MAU2: variants seen among roughly 807,000 people sequenced by gnomAD.
The protein encoded by MAU2 is MAU2 chromatid cohesion factor homolog.
MAU2 carries 9 observed loss-of-function variants against 89.1 expected under a neutral mutation model. The ratio of observed to expected loss-of-function variants is 0.10; its 90% CI spans 0.06 to 0.18. The LOEUF (loss-of-function observed/expected upper bound fraction) is 0.18, where lower values mean the gene tolerates loss of function less well. MAU2 is among the 10% of genes least tolerant of loss of function. The pLI is 1.00. For synonymous variants in MAU2, 357 were observed against 343.4 expected (o/e 1.04, Z -0.44); for missense variants, 425 against 803.5 (o/e 0.53, Z 5.69).
intron 10 of MAU2, chr19:19,344,383 A>G (rs1438139067): frequency 3.9e-5 from 9 of 227,992 alleles, no homozygotes; most frequent in South Asian, 1.3e-4. Context: ...CTGCACTCCA[A>G]CCTGGGCAAC....
At chr19:19,354,479 C>T (rs1568669552) in intron 17 of MAU2, 34 bp downstream of exon 17, 2 of 1,572,276 alleles carry the variant, frequency 1.3e-6, no homozygotes, top group Admixed American at 1.7e-5. Context: ...TCCCCAGCCC[C>T]AGCCTGGCCC....
intron 1 of MAU2, among the ~76,000 whole-genome samples, chr19:19,333,888 T>C (rs2061576127): frequency 2.0e-5 from 3 of 152,180 alleles, no homozygotes; most frequent in Non-Finnish European, 4.4e-5. Context: ...CAGTGCTGTC[T>C]ACCCTGGACT....
In MAU2 at chr19:19,358,715, GT is replaced by G. The variant is rs747802469; in HGVS notation, c.*2936del. 9.2e-5 allele frequency: 14 copies of G among 152,182 alleles called. No individual in the cohort carries two copies. Among genetic ancestry groups the G allele is most frequent in the Non-Finnish European group, 5.9e-5 (4 of 68,014 alleles). The allele number at this position is 152,182 out of a possible 1,614,324, so 9.4% of individuals were successfully genotyped here. On this transcript the variant is annotated 3_prime_UTR_variant, in exon 19 of 19. Transcript: ENST00000262815. ...ACATAGCTTCCTGTTTGTGGATTTT[GT>G]TTCCTATATATTCAAAGTAAAATGA...
intron 5 of MAU2, among the ~76,000 whole-genome samples, chr19:19,340,445 C>G (rs2146684321): frequency 6.6e-6 from 1 of 151,976 alleles, no homozygotes; most frequent in Admixed American, 6.6e-5. Context: ...CGAGACCATC[C>G]TGGCTAACAC....
At chr19:19,348,727 C>T (rs942131469) in intron 13 of MAU2, 162 bp from the exon 14 acceptor site, 10 of 766,834 alleles carry the variant, frequency 1.3e-5, no homozygotes, top group African/African-American at 1.0e-4. Context: ...TGCCCCCGGC[C>T]CTTCTCACCA....
intron 9 of MAU2, among the ~76,000 whole-genome samples, 166 bp downstream of exon 9, chr19:19,343,032 TCAGAG>T (rs2061665033): frequency 6.6e-6 from 1 of 152,128 alleles, no homozygotes; most frequent in South Asian, 2.1e-4. Context: ...GTGTCCAACG[TCAGAG>T]CAGAGCAGAC....
intron 7 of MAU2, 110 bp downstream of exon 7, chr19:19,341,517 C>T: frequency 7.6e-7 from 1 of 1,323,028 alleles, no homozygotes; most frequent in Non-Finnish European, 1.0e-6. Flanking sequence ...CCTTACCTTG[C>T]CACACAACAG....
chr19:19,330,932 T>C (rs2061550497), intron 1 of MAU2, among the ~76,000 whole-genome samples: 2 of 152,134 alleles, frequency 1.3e-5, no homozygotes, highest in Admixed American at 1.3e-4. Flanking sequence ...AAAGTTACTT[T>C]GGTTTTAAGG....
intron 1 of MAU2, among the ~76,000 whole-genome samples, chr19:19,329,676 A>C (rs2061539023): frequency 6.6e-6 from 1 of 152,144 alleles, no homozygotes; most frequent in African/African-American, 2.4e-5. Flanking sequence ...GGTAGTTTAA[A>C]AAAAAAATGA....
At chr19:19,351,548 C>T in intron 16 of MAU2, among the ~76,000 whole-genome samples, 1 of 151,736 alleles carries the variant, frequency 6.6e-6, no homozygotes, top group Middle Eastern at 3.2e-3. Flanking sequence ...GGTGTGTGGA[C>T]TCATGCTTGT....
At chr19:19,324,022 T>C (rs2061485264) in intron 1 of MAU2, among the ~76,000 whole-genome samples, 1 of 152,218 alleles carries the variant, frequency 6.6e-6, no homozygotes, top group Admixed American at 6.5e-5. Flanking sequence ...TCATGCAGGA[T>C]GCCAAGCCCT....
intron 1 of MAU2, among the ~76,000 whole-genome samples, chr19:19,331,362 C>T (rs1271552985): frequency 6.6e-6 from 1 of 151,896 alleles, no homozygotes; most frequent in East Asian, 1.9e-4. Flanking sequence ...ATTAGCCAGG[C>T]GTGGTGGCGG....
intron 7 of MAU2, 121 bp downstream of exon 7, chr19:19,341,528 G>A: frequency 8.2e-7 from 1 of 1,222,486 alleles, no homozygotes. Flanking sequence ...CACACAACAG[G>A]GCTGTCATAC....
At chr19:19,355,216 G>A in intron 17 of MAU2, 48 bp from the exon 18 acceptor site, 1 of 1,611,732 alleles carries the variant, frequency 6.2e-7, no homozygotes, top group Non-Finnish European at 8.5e-7. Context: ...GGAGGGCCTG[G>A]GCAGTGACAG....
chr19:19,352,098 T>G (rs1404095078), intron 16 of MAU2, among the ~76,000 whole-genome samples: 1 of 151,992 alleles, frequency 6.6e-6, no homozygotes, highest in Non-Finnish European at 1.5e-5. Context: ...ATCTGCCTAC[T>G]TCAGCCTCCC....
chr19:19,338,481 A>G (rs1356656246), intron 4 of MAU2, among the ~76,000 whole-genome samples: 2 of 152,190 alleles, frequency 1.3e-5, no homozygotes, highest in Non-Finnish European at 2.9e-5. Context: ...GCCCTGGAAC[A>G]CACTAGGGAC....
intron 1 of MAU2, chr19:19,321,741 G>A (rs1896429557): frequency 6.6e-6 from 1 of 152,216 alleles, no homozygotes. Context: ...GAGACCCGGA[G>A]TCTGGAGTTG....
At chr19:19,330,078 CAT>C (rs1375923180) in intron 1 of MAU2, among the ~76,000 whole-genome samples, 2 of 151,884 alleles carry the variant, frequency 1.3e-5, no homozygotes, top group Admixed American at 1.3e-4. Flanking sequence ...CTCCTGGGCT[CAT>C]GTGGTTCTTT....
At chr19:19,332,251 C>A (rs2061561106) in intron 1 of MAU2, among the ~76,000 whole-genome samples, 2 of 151,744 alleles carry the variant, frequency 1.3e-5, no homozygotes, top group African/African-American at 4.9e-5. Flanking sequence ...GCCCCAAACT[C>A]CTGGGCTCAA....
Sources: allele counts gnomAD v4.1 joint callset (sites outside exome capture counted in the v4.1 genomes callset), GRCh38; gene constraint gnomAD v4.1.1; transcripts MANE v1.5; gene names NCBI Gene and HGNC (gene_info 2026-07-23, HGNC 2026-07-21).